EPHB2: variants seen among roughly 807,000 people sequenced by gnomAD.
EPHB2 encodes the protein EPH receptor B2, also known as ephrin type-B receptor 2.
Under a neutral mutation model 96.4 loss-of-function variants are expected in EPHB2, and 18 were observed. The observed-to-expected ratio is 0.19, with a 90% CI of 0.13 to 0.28. The LOEUF (loss-of-function observed/expected upper bound fraction) is 0.28. Ranked by LOEUF, EPHB2 falls within the 10% of genes least tolerant of loss-of-function variation. The pLI, the probability that EPHB2 is intolerant of heterozygous loss-of-function variation, is 1.00. For missense variants in EPHB2, 989 were observed against 1,355.4 expected (o/e 0.73, Z 4.25); for synonymous variants, 506 against 534.1 (o/e 0.95, Z 0.72).
At chr1:22,876,003 G>C (rs1359326254) in intron 5 of EPHB2, among the ~76,000 whole-genome samples, 1 of 152,184 alleles carries the variant, frequency 6.6e-6, no homozygotes, top group Non-Finnish European at 1.5e-5. Flanking sequence ...GAGAGAGGGG[G>C]CAGGCAGAGG....
intron 4 of EPHB2, among the ~76,000 whole-genome samples, chr1:22,864,048 T>C (rs1638375821): frequency 4.2e-5 from 1 of 24,028 alleles, no homozygotes; most frequent in Non-Finnish European, 4.7e-4. Context: ...TTTTTTTTTT[T>C]TTTTTTTTTT....
intron 1 of EPHB2, among the ~76,000 whole-genome samples, chr1:22,771,821 A>G (rs1440382976): frequency 6.6e-6 from 1 of 152,204 alleles, no homozygotes; most frequent in African/African-American, 2.4e-5. Flanking sequence ...TTAAAGAATC[A>G]CTGGGCAAAT....
intron 3 of EPHB2, among the ~76,000 whole-genome samples, chr1:22,803,154 A>G (rs1644869709): frequency 6.6e-6 from 1 of 152,116 alleles, no homozygotes; most frequent in Non-Finnish European, 1.5e-5. Flanking sequence ...TGGGGCTTCT[A>G]GGGGAAGGGC....
At chr1:22,806,884 C>T (rs1193355579) in intron 3 of EPHB2, among the ~76,000 whole-genome samples, 4 of 151,056 alleles carry the variant, frequency 2.6e-5, no homozygotes, top group South Asian at 2.1e-4. Context: ...CTTTGTGGGC[C>T]CCCCCTCGTC....
intron 3 of EPHB2, among the ~76,000 whole-genome samples, chr1:22,832,056 G>A (rs569313250): frequency 6.6e-6 from 1 of 152,348 alleles, no homozygotes; most frequent in South Asian, 2.1e-4. Context: ...TTGCAGTCCA[G>A]GAGGACCTTC....
chr1:22,750,302 G>A (rs1306765195), intron 1 of EPHB2, among the ~76,000 whole-genome samples: 1 of 152,214 alleles, frequency 6.6e-6, no homozygotes. Context: ...CAGGCAAGGG[G>A]CAGGGGGAGC....
At position 22,727,527 on chromosome 1, in the gene EPHB2, C is replaced by G. The variant is rs576983436; in HGVS notation, c.61+16484C>G. 4.2e-4 allele frequency among the ~76,000 whole-genome samples: 64 copies of G among 152,298 alleles called. 1 individual carries two copies. In the South Asian group the frequency reaches 0.013, roughly 30 times the overall value. On this transcript the variant is annotated intron_variant, in intron 1 of 15. Coordinates refer to ENST00000374630, the MANE Select transcript of EPHB2 (RefSeq NM_017449.5). The stretch of plus-strand genomic sequence containing the variant: ...TCGAGCCTGGACAACCCAAGCAGCA[C>G]CCTGAGAACCATCCCAGAATATGCA...
At chr1:22,832,041 C>G (rs1327075146) in intron 3 of EPHB2, among the ~76,000 whole-genome samples, 7 of 152,238 alleles carry the variant, frequency 4.6e-5, no homozygotes. Context: ...TGCTAGTTTC[C>G]TCTCTTGCAG....
chr1:22,774,473 G>T, intron 1 of EPHB2: 1 of 713,564 alleles, frequency 1.4e-6, no homozygotes, highest in Non-Finnish European at 1.7e-6. Flanking sequence ...GCTCAGTTTT[G>T]GAAGAGAAGT....
chr1:22,879,856 G>A (rs928167525), intron 5 of EPHB2, among the ~76,000 whole-genome samples: 3 of 152,360 alleles, frequency 2.0e-5, no homozygotes, highest in East Asian at 3.9e-4. Flanking sequence ...GCAAGGAGCC[G>A]AGCTGAGGGT....
intron 12 of EPHB2, among the ~76,000 whole-genome samples, 195 bp downstream of exon 12, chr1:22,908,363 C>T (rs181114954): frequency 1.3e-5 from 2 of 152,376 alleles, no homozygotes. Context: ...ATGTGCAGAG[C>T]CATGTGGAGT....
chr1:22,749,522 G>C (rs1280944489), intron 1 of EPHB2, among the ~76,000 whole-genome samples: 1 of 152,212 alleles, frequency 6.6e-6, no homozygotes, highest in Non-Finnish European at 1.5e-5. Flanking sequence ...GTTTGGTTCT[G>C]TGGGTGACAA....
At chr1:22,742,475 TC>T (rs1176023476) in intron 1 of EPHB2, among the ~76,000 whole-genome samples, 6 of 151,978 alleles carry the variant, frequency 3.9e-5, no homozygotes, top group African/African-American at 1.4e-4. Flanking sequence ...CAGCCAGACT[TC>T]CTTCCTTCCT....
At position 22,865,068 on chromosome 1, in the gene EPHB2, G is replaced by A; in HGVS notation, c.1159G>A (p.Gly387Ser). The A allele has an allele frequency of 1.2e-6, 2 of 1,614,196 alleles. No individual in the cohort carries two copies. The highest frequency in any genetic ancestry group is 8.5e-7 in the Non-Finnish European group (1 of 1,180,048). The change falls in exon 5 of 16, where the codon GGC becomes AGC. Residue 387 changes from glycine (G) to serine (S), a missense_variant. By Grantham distance (56) the Gly-to-Ser change is moderately conservative (BLOSUM62 0). Transcript: ENST00000374630. Reference protein sequence around the residue: ...DNVQYAPRQLGLTEPRIYISD... With the variant: ...DNVQYAPRQLSLTEPRIYISD... ...TGTACAGTACGCACCACGCCAGCTAGGCCTGACCGAGCCACGCATTTACAT... is the reference window on the plus strand; with the variant it reads ...TGTACAGTACGCACCACGCCAGCTAAGCCTGACCGAGCCACGCATTTACAT...
chr1:22,730,269 G>A (rs1428690999), intron 1 of EPHB2, among the ~76,000 whole-genome samples: 1 of 152,224 alleles, frequency 6.6e-6, no homozygotes, highest in African/African-American at 2.4e-5. Flanking sequence ...CTAGTCAGTG[G>A]GACAGACGTG....
chr1:22,872,887 G>A (rs1396300737), intron 5 of EPHB2, among the ~76,000 whole-genome samples: 1 of 152,242 alleles, frequency 6.6e-6, no homozygotes, highest in African/African-American at 2.4e-5. Context: ...AGAGCCCCCT[G>A]TGTGCTTATG....
intron 1 of EPHB2, among the ~76,000 whole-genome samples, chr1:22,731,514 T>C (rs1482428625): frequency 2.6e-5 from 4 of 152,184 alleles, no homozygotes; most frequent in Non-Finnish European, 4.4e-5. Flanking sequence ...CTTACCTTAG[T>C]AGGTGGCTGA....
At chr1:22,878,604 A>G (rs1638922830) in intron 5 of EPHB2, among the ~76,000 whole-genome samples, 1 of 152,134 alleles carries the variant, frequency 6.6e-6, no homozygotes, top group South Asian at 2.1e-4. Flanking sequence ...ATGCATTTCC[A>G]CTGCCTTCTC....
chr1:22,806,492 C>T (rs1385848444), intron 3 of EPHB2, among the ~76,000 whole-genome samples: 2 of 91,920 alleles, frequency 2.2e-5, no homozygotes, highest in Non-Finnish European at 4.4e-5. Context: ...GACGGACGGA[C>T]GGACGGACGG....
Sources: gnomAD v4.1 joint callset for allele counts (sites outside exome capture counted in the v4.1 genomes callset) on GRCh38, gnomAD v4.1.1 for gene constraint, MANE v1.5 for transcripts, NCBI Gene and HGNC (gene_info 2026-07-23, HGNC 2026-07-21) for gene names.